Variants in RBFOX1 observed in about 807,000 individuals in gnomAD.
RBFOX1 encodes RNA binding protein fox-1 homolog 1.
Under a neutral mutation model 57.7 loss-of-function variants are expected in RBFOX1, and 8 were observed. The ratio of observed to expected loss-of-function variants is 0.14; its 90% CI spans 0.08 to 0.25. The LOEUF is 0.25. Ranked by LOEUF, RBFOX1 falls within the 10% of genes least tolerant of loss-of-function variation. The pLI, the probability that RBFOX1 is intolerant of heterozygous loss-of-function variation, is 1.00. For missense variants in RBFOX1, 611 were observed against 548.5 expected (o/e 1.11, Z -1.14); for synonymous variants, 326 against 222.4 (o/e 1.47, Z -4.15).
At chr16:5,608,277 A>G (rs2047658256) in intron 3 of RBFOX1, among the ~76,000 whole-genome samples, 1 of 152,156 alleles carries the variant, frequency 6.6e-6, no homozygotes, top group South Asian at 2.1e-4. Flanking sequence ...CAGTGTTGCA[A>G]GGGTGTAGGA....
intron 4 of RBFOX1, among the ~76,000 whole-genome samples, chr16:7,292,223 GATATA>G (rs1433881281): frequency 3.4e-5 from 4 of 116,034 alleles, no homozygotes; most frequent in Non-Finnish European, 6.7e-5. Context: ...TATGATATAT[GATATA>G]GAACGTATTA....
chr16:6,558,687 C>T (rs534674136), intron 2 of RBFOX1, among the ~76,000 whole-genome samples: 12 of 152,238 alleles, frequency 7.9e-5, no homozygotes, highest in African/African-American at 2.4e-4. Context: ...AACGCCCAAA[C>T]AGGTGCTTAT....
chr16:7,404,141 C>T lies in RBFOX1; in HGVS notation c.28-114006C>T, dbSNP rs2098294833. Among the ~76,000 whole-genome samples, 5 of 151,788 alleles carry T rather than the reference C, an allele frequency of 3.3e-5. No homozygotes were observed. In the South Asian group the frequency reaches 8.3e-4, roughly 25 times the overall value. On this transcript the variant is annotated intron_variant, in intron 4 of 15. Coordinates refer to ENST00000550418, the MANE Select transcript of RBFOX1 (RefSeq NM_018723.4). The stretch of plus-strand genomic sequence containing the variant: ...ATTCTCGGCTCACTGCTACCTCCAC[C>T]TCCCAGGTTCAAGCGATTCTCCTGC...
At chr16:6,512,508 C>G (rs914601354) in intron 2 of RBFOX1, among the ~76,000 whole-genome samples, 2 of 152,004 alleles carry the variant, frequency 1.3e-5, no homozygotes, top group African/African-American at 4.8e-5. Flanking sequence ...CCAAAGAAGC[C>G]TAATGTAGAG....
At chr16:5,425,065 T>TTATC (rs71280727) in intron 1 of RBFOX1, among the ~76,000 whole-genome samples, 2,510 of 68,528 alleles carry the variant, frequency 0.037, 46 homozygotes, top group East Asian at 0.059. Context: ...CCTTCCTTTC[T>TTATC]TATCTATCTA....
chr16:7,235,879 A>G (rs1016965401), intron 4 of RBFOX1, among the ~76,000 whole-genome samples: 1 of 152,056 alleles, frequency 6.6e-6, no homozygotes, highest in Non-Finnish European at 1.5e-5. Context: ...GTGTGGATCC[A>G]TATAAATATT....
intron 3 of RBFOX1, among the ~76,000 whole-genome samples, chr16:6,829,888 C>T (rs1000005105): frequency 1.9e-4 from 29 of 151,970 alleles, no homozygotes; most frequent in Non-Finnish European, 2.2e-4. Flanking sequence ...AGGTGTAAAC[C>T]ACCATGCCCA....
chr16:5,424,994 T>TTTCTTTCTTTC lies in RBFOX1; in HGVS notation c.220-42220_220-42219insCTTTCTTTCTT, dbSNP rs58404221. 1.9e-3 allele frequency among the ~76,000 whole-genome samples: 168 copies of TTTCTTTCTTTC among 89,644 alleles called. 3 individuals are homozygous for TTTCTTTCTTTC. Among genetic ancestry groups the TTTCTTTCTTTC allele is most frequent in the East Asian group, 5.3e-3 (14 of 2,662 alleles). The allele number at this position is 89,644 out of a possible 152,430, so 58.8% of individuals were successfully genotyped here. On this transcript the variant is annotated intron_variant, in intron 1 of 2. Coordinates refer to the RBFOX1 transcript ENST00000585867. ...TCTTTCTTTCTTTTCTTTTCTTTTC[T>TTTCTTTCTTTC]TTTCTTTTCTTTTCTTTTCTTTCTT...
At chr16:6,663,797 C>A (rs747808112) in intron 3 of RBFOX1, among the ~76,000 whole-genome samples, 1 of 152,132 alleles carries the variant, frequency 6.6e-6, no homozygotes, top group African/African-American at 2.4e-5. Context: ...AAGTTTGAGT[C>A]TGAAGGGAGA....
At chr16:5,804,415 G>T (rs1335219735) in intron 3 of RBFOX1, among the ~76,000 whole-genome samples, 1 of 152,212 alleles carries the variant, frequency 6.6e-6, no homozygotes, top group Admixed American at 6.5e-5. Flanking sequence ...GGACGTTAGT[G>T]AAATATCAAA....
intron 12 of RBFOX1, chr16:7,664,701 C>G (rs1056951718): frequency 1.8e-5 from 12 of 660,792 alleles, no homozygotes; most frequent in Non-Finnish European, 3.0e-5. Context: ...ACCTAGCACA[C>G]CGCCACCACC....
chr16:5,684,313 A>G (rs892850110), intron 3 of RBFOX1, among the ~76,000 whole-genome samples: 3 of 152,156 alleles, frequency 2.0e-5, no homozygotes, highest in African/African-American at 7.2e-5. Flanking sequence ...ATATCCTATG[A>G]GTTCTGTCCC....
chr16:6,968,124 GCA>G (rs2084699963), intron 3 of RBFOX1, among the ~76,000 whole-genome samples: 1 of 152,084 alleles, frequency 6.6e-6, no homozygotes, highest in Admixed American at 6.6e-5. Context: ...TTGCAACCCC[GCA>G]CAGACACCAC....
chr16:6,868,324 CAG>C (rs1286027735), intron 3 of RBFOX1, among the ~76,000 whole-genome samples: 2 of 152,068 alleles, frequency 1.3e-5, no homozygotes, highest in Non-Finnish European at 2.9e-5. Flanking sequence ...GATGGTAAAA[CAG>C]AGTGGATTCA....
intron 3 of RBFOX1, among the ~76,000 whole-genome samples, chr16:5,699,647 G>C (rs867462047): frequency 1.3e-5 from 2 of 152,020 alleles, no homozygotes; most frequent in Non-Finnish European, 2.9e-5. Context: ...GTCAGCTCTG[G>C]GTTGGGGTGT....
intron 1 of RBFOX1, among the ~76,000 whole-genome samples, chr16:6,112,622 C>A (rs766808902): frequency 6.6e-6 from 1 of 152,094 alleles, no homozygotes; most frequent in Non-Finnish European, 1.5e-5. Flanking sequence ...ACCCAGGAGC[C>A]GGAGGTTGCG....
intron 3 of RBFOX1, among the ~76,000 whole-genome samples, chr16:5,851,433 T>TG (rs2056895050): frequency 6.6e-6 from 1 of 152,136 alleles, no homozygotes; most frequent in Non-Finnish European, 1.5e-5. Context: ...AATTTTCCTC[T>TG]GTGTGTTTTC....
Position 5,475,013 on chromosome 16 carries a change from G to A in RBFOX1, c.258+7759G>A, listed in dbSNP as rs745448100. Among the ~76,000 whole-genome samples the A allele has an allele frequency of 9.2e-5, 14 of 152,110 alleles. No homozygotes were observed. The East Asian group carries it at 2.3e-3, about 25-fold the overall frequency. ...CTCCATTCTTTCTTTGGTTCCGATGGGTAGGCCTGGGCATGCTACCCTTCA... is the reference window on the plus strand; with the variant it reads ...CTCCATTCTTTCTTTGGTTCCGATGAGTAGGCCTGGGCATGCTACCCTTCA... On this transcript the variant is annotated intron_variant, in intron 2 of 2. Transcript: ENST00000585867.
At chr16:5,826,310 C>G (rs1301125930) in intron 3 of RBFOX1, among the ~76,000 whole-genome samples, 3 of 152,102 alleles carry the variant, frequency 2.0e-5, no homozygotes, top group African/African-American at 7.2e-5. Flanking sequence ...AATTGTGAAG[C>G]AAACCACAGT....
Sources: allele counts gnomAD v4.1 joint callset (sites outside exome capture counted in the v4.1 genomes callset), GRCh38; gene constraint gnomAD v4.1.1; transcripts MANE v1.5; gene names NCBI Gene and HGNC (gene_info 2026-07-23, HGNC 2026-07-21).